DIP2C: variants seen among roughly 807,000 people sequenced by gnomAD.
DIP2C encodes the protein DIP2 acetate--CoA ligase C (putative).
Under a neutral mutation model 192.4 loss-of-function variants are expected in DIP2C, and 33 were observed. The observed-to-expected ratio is 0.17, with a 90% CI of 0.13 to 0.23. DIP2C has a LOEUF of 0.23. DIP2C is among the 10% of genes least tolerant of loss of function. The pLI, the probability that DIP2C is intolerant of heterozygous loss-of-function variation, is 1.00. For synonymous variants in DIP2C, 979 were observed against 864.1 expected, an observed-to-expected ratio of 1.13 and a Z score of -2.33; for missense variants, 1,537 against 2,110.1, an observed-to-expected ratio of 0.73 and a Z score of 5.32.
chr10:557,863 G>A (rs1430069121), intron 1 of DIP2C, among the ~76,000 whole-genome samples: 115 of 105,420 alleles, frequency 1.1e-3, no homozygotes, highest in Non-Finnish European at 1.9e-3. Flanking sequence ...GAGGGGGCAG[G>A]GGCAGGCAGG....
chr10:544,381 A>C (rs1013825258), intron 1 of DIP2C, among the ~76,000 whole-genome samples: 1 of 152,258 alleles, frequency 6.6e-6, no homozygotes, highest in African/African-American at 2.4e-5. Flanking sequence ...GTTACGAATA[A>C]TGCTGCTATG....
In DIP2C at chr10:344,815, G is replaced by A. The variant is rs746827420; in HGVS notation, c.3447C>T (p.Gly1149=). Residue 1149 remains glycine, a synonymous_variant, in exon 28 of 37, where the codon GGC becomes GGT. Transcript: ENST00000280886. ...CCGCAGCCACCCCCCTCACCTTTAC[G>A]CCAGCTAGCATCCCAGTTGTGGACA... ...FSVSTTGMLA[G]VKMSHAATSA... is the part of the protein sequence containing the mutation. 2.2e-5 allele frequency: 35 copies of A among 1,586,924 alleles called. No homozygotes were observed. Among genetic ancestry groups the A allele is most frequent in the Non-Finnish European group, 2.7e-5 (32 of 1,167,648 alleles).
At chr10:589,733 C>G (rs1047738276) in intron 1 of DIP2C, among the ~76,000 whole-genome samples, 4 of 152,174 alleles carry the variant, frequency 2.6e-5, no homozygotes, top group African/African-American at 9.7e-5. Flanking sequence ...TAGAAATACT[C>G]TAATGAGATT....
intron 32 of DIP2C, among the ~76,000 whole-genome samples, chr10:292,467 G>A (rs1213989527): frequency 3.3e-5 from 5 of 152,220 alleles, no homozygotes; most frequent in Admixed American, 6.5e-5. Flanking sequence ...TAGAAAAGCA[G>A]AGATAGAGAG....
chr10:378,768 T>G (rs1410989700), intron 17 of DIP2C, among the ~76,000 whole-genome samples: 1 of 149,458 alleles, frequency 6.7e-6, no homozygotes, highest in Non-Finnish European at 1.5e-5. Flanking sequence ...CCTAGACACG[T>G]GAACACACAT....
intron 26 of DIP2C, among the ~76,000 whole-genome samples, chr10:345,591 T>C (rs1174613487): frequency 1.4e-5 from 2 of 139,402 alleles, no homozygotes; most frequent in African/African-American, 2.9e-5. Flanking sequence ...CTGCGCATAG[T>C]TCTCCCGGAA....
rs540057451 is a variant in DIP2C, at chr10:575,329, A to G, written c.86-88799T>C. Reference sequence around the variant, plus strand: ...AAAGTAAAATTCTCATTTGAGGATCATATACATTAACTGAAGTTTTCAAAT... The same window carrying G: ...AAAGTAAAATTCTCATTTGAGGATCGTATACATTAACTGAAGTTTTCAAAT... On this transcript the variant is annotated intron_variant, in intron 1 of 36. Coordinates refer to ENST00000280886, the MANE Select transcript of DIP2C (RefSeq NM_014974.3). 5.9e-5 allele frequency among the ~76,000 whole-genome samples: 9 copies of G among 152,336 alleles called. No individual in the cohort carries two copies. The East Asian group carries it at 1.7e-3, about 29-fold the overall frequency.
At chr10:507,787 C>T (rs1845723666) in intron 1 of DIP2C, among the ~76,000 whole-genome samples, 1 of 152,186 alleles carries the variant, frequency 6.6e-6, no homozygotes, top group Non-Finnish European at 1.5e-5. Context: ...TGTCCCACCC[C>T]ATCTGTGAAA....
At chr10:421,529 A>G (rs2133157605) in intron 5 of DIP2C, among the ~76,000 whole-genome samples, 1 of 152,318 alleles carries the variant, frequency 6.6e-6, no homozygotes, top group East Asian at 1.9e-4. Context: ...ACAAAAAAAA[A>G]TAACAGTCAC....
At chr10:681,053 C>T (rs1417608915) in intron 1 of DIP2C, among the ~76,000 whole-genome samples, 3 of 151,982 alleles carry the variant, frequency 2.0e-5, no homozygotes, top group East Asian at 1.9e-4. Context: ...CCTGTGGCCA[C>T]GGAAATTCCA....
intron 1 of DIP2C, chr10:663,090 G>A (rs1856863698): frequency 3.4e-6 from 2 of 580,676 alleles, no homozygotes; most frequent in African/African-American, 3.7e-5. Context: ...ACTCTCCAGT[G>A]GGCAGCCTGG....
chr10:305,036 CGT>C (rs1956246552), intron 32 of DIP2C, among the ~76,000 whole-genome samples: 1 of 151,398 alleles, frequency 6.6e-6, no homozygotes, highest in Non-Finnish European at 1.5e-5. Context: ...CATATATGCA[CGT>C]GTCTATACTT....
chr10:532,069 T>TA (rs1275504028), intron 1 of DIP2C, among the ~76,000 whole-genome samples: 3 of 152,142 alleles, frequency 2.0e-5, no homozygotes, highest in Admixed American at 2.0e-4. Context: ...TTTAGTGCCA[T>TA]AAATCCTAGA....
At chr10:649,241 T>A (rs71489275) in intron 1 of DIP2C, among the ~76,000 whole-genome samples, 1 of 139,856 alleles carries the variant, frequency 7.2e-6, no homozygotes, top group Non-Finnish European at 1.6e-5. Context: ...CCACATTTGA[T>A]GGTGGGCGAG....
Position 276,222 on chromosome 10 carries a change from C to T in DIP2C, c.*1103G>A, listed in dbSNP as rs1434105745. On this transcript the variant is annotated 3_prime_UTR_variant, in exon 37 of 37. Transcript: ENST00000280886. The stretch of plus-strand genomic sequence containing the variant: ...CATAAACACATTCACTGTTGTCCCA[C>T]AGCAAAGAAAAAAATAGTGCACATT... The T allele has an allele frequency of 1.3e-5, 2 of 152,634 alleles. No homozygotes were observed. The highest frequency in any genetic ancestry group is 4.8e-5 in the African/African-American group (2 of 41,456). The allele number at this position is 152,634 out of a possible 1,614,324, so 9.5% of individuals were successfully genotyped here.
intron 1 of DIP2C, among the ~76,000 whole-genome samples, chr10:575,332 T>C (rs183157983): frequency 9.2e-5 from 14 of 152,312 alleles, no homozygotes; most frequent in Admixed American, 4.6e-4. Context: ...GAGGATCATA[T>C]ACATTAACTG....
At chr10:688,845 T>G (rs942984887) in intron 1 of DIP2C, among the ~76,000 whole-genome samples, 5 of 152,054 alleles carry the variant, frequency 3.3e-5, no homozygotes, top group African/African-American at 1.2e-4. Flanking sequence ...GGGGGGAGGT[T>G]GACGATTCCG....
intron 1 of DIP2C, among the ~76,000 whole-genome samples, chr10:591,118 G>GT (rs879406394): frequency 9.3e-5 from 14 of 150,356 alleles, no homozygotes; most frequent in African/African-American, 1.5e-4. Context: ...TCCATTACTG[G>GT]TTTTTTTTGT....
rs568581436 is a variant in DIP2C at position 567,180 on chromosome 10, G to A, written c.86-80650C>T. 7.1e-5 allele frequency among the ~76,000 whole-genome samples: 10 copies of A among 140,516 alleles called. No homozygotes were observed. In the East Asian group the frequency reaches 8.0e-4, roughly 11 times the overall value. 92.2% of individuals were successfully genotyped at this position (140,516 alleles called of 152,430 possible). On this transcript the variant is annotated intron_variant, in intron 1 of 36. Coordinates refer to ENST00000280886, the MANE Select transcript of DIP2C (RefSeq NM_014974.3). ...AGGAGGACAGGCACCGGTTTTGGGG[G>A]GTTTTTTGTTTTGTTTTGTTTTTTT...
Sources: gnomAD v4.1 joint callset for allele counts (sites outside exome capture counted in the v4.1 genomes callset) on GRCh38, gnomAD v4.1.1 for gene constraint, MANE v1.5 for transcripts, NCBI Gene and HGNC (gene_info 2026-07-23, HGNC 2026-07-21) for gene names.